CCDC178: variants seen among roughly 807,000 people sequenced by gnomAD.
CCDC178 encodes the protein coiled-coil domain containing 178, also known as coiled-coil domain-containing protein 178.
Under a neutral mutation model 117.4 loss-of-function variants are expected in CCDC178, and 126 were observed. The observed-to-expected ratio is 1.07, with a 90% CI of 0.93 to 1.24. The LOEUF is 1.24. CCDC178 is among the 50% of genes most tolerant of loss of function. The probability of loss-of-function intolerance (pLI) is 0.00; values close to 1 mark genes in which losing one functional copy is unlikely to be tolerated. For synonymous variants in CCDC178, 283 were observed against 313.4 expected, an observed-to-expected ratio of 0.90 and a Z score of 1.02; for missense variants, 1,030 against 986.9, an observed-to-expected ratio of 1.04 and a Z score of -0.59.
intron 20 of CCDC178, among the ~76,000 whole-genome samples, chr18:33,153,789 A>C (rs2058364201): frequency 6.6e-6 from 1 of 151,978 alleles, no homozygotes; most frequent in African/African-American, 2.4e-5. Flanking sequence ...AGGATAGGCT[A>C]ATTTAAAATA....
intron 20 of CCDC178, among the ~76,000 whole-genome samples, chr18:33,097,499 T>C (rs2057560644): frequency 6.6e-6 from 1 of 152,154 alleles, no homozygotes; most frequent in South Asian, 2.1e-4. Context: ...TTGGAGTATT[T>C]GTTATACAAC....
chr18:33,316,726 C>T (rs1050758439), intron 11 of CCDC178, among the ~76,000 whole-genome samples: 5 of 152,148 alleles, frequency 3.3e-5, no homozygotes, highest in Non-Finnish European at 2.9e-5. Flanking sequence ...CACCAATCAG[C>T]ACCCTGTGTC....
At chr18:33,169,761 T>C (rs977041048) in intron 20 of CCDC178, among the ~76,000 whole-genome samples, 1 of 152,194 alleles carries the variant, frequency 6.6e-6, no homozygotes, top group African/African-American at 2.4e-5. Context: ...GTGCTTGTAG[T>C]ATAGGAACAT....
At chr18:33,002,563 A>G (rs1243370715) in intron 21 of CCDC178, among the ~76,000 whole-genome samples, 2 of 152,106 alleles carry the variant, frequency 1.3e-5, no homozygotes, top group African/African-American at 4.8e-5. Flanking sequence ...TTATAGCAAT[A>G]AGAACCTACA....
At chr18:33,427,038 AT>A (rs1029890762) in intron 2 of CCDC178, among the ~76,000 whole-genome samples, 2 of 152,142 alleles carry the variant, frequency 1.3e-5, no homozygotes, top group African/African-American at 4.8e-5. Context: ...AAAGATTCAT[AT>A]TTTATAATAA....
intron 21 of CCDC178, among the ~76,000 whole-genome samples, chr18:33,055,491 C>G (rs553905655): frequency 7.9e-4 from 120 of 152,128 alleles, no homozygotes; most frequent in African/African-American, 2.8e-3. Context: ...TGCACGCCAC[C>G]ATGCCCCGCT....
chr18:33,134,053 G>A (rs1400684280), intron 20 of CCDC178, among the ~76,000 whole-genome samples: 1 of 151,492 alleles, frequency 6.6e-6, no homozygotes, highest in East Asian at 1.9e-4. Flanking sequence ...AATTACAAAA[G>A]AAAAGAAAAA....
chr18:33,368,076 T>C (rs1185787243), intron 6 of CCDC178, among the ~76,000 whole-genome samples: 1 of 151,980 alleles, frequency 6.6e-6, no homozygotes, highest in Non-Finnish European at 1.5e-5. Context: ...TTGAATGGAC[T>C]TTGGAGTCAG....
At chr18:33,401,948 A>G (rs1599275173) in intron 3 of CCDC178, among the ~76,000 whole-genome samples, 2 of 152,302 alleles carry the variant, frequency 1.3e-5, no homozygotes, top group African/African-American at 4.8e-5. Context: ...AATTGTGGTC[A>G]TTTTCTATTT....
At chr18:33,063,071 G>T (rs2056952734) in intron 21 of CCDC178, among the ~76,000 whole-genome samples, 1 of 152,142 alleles carries the variant, frequency 6.6e-6, no homozygotes. Flanking sequence ...AGGCACATCT[G>T]CATGCACTTT....
chr18:33,397,575 A>T (rs550276811), intron 3 of CCDC178, among the ~76,000 whole-genome samples: 13 of 152,298 alleles, frequency 8.5e-5, no homozygotes, highest in African/African-American at 3.1e-4. Context: ...ATATGGATTT[A>T]AAAAATCCAA....
chr18:33,331,848 C>A (rs2062673861), intron 10 of CCDC178, among the ~76,000 whole-genome samples: 1 of 152,108 alleles, frequency 6.6e-6, no homozygotes, highest in Admixed American at 6.5e-5. Context: ...ACCCACAATC[C>A]AGTAACTACC....
chr18:32,974,678 A>G lies in CCDC178; in HGVS notation c.2392T>C (p.Cys798Arg). The change falls in exon 22 of 23, where the codon TGT (cysteine) becomes CGT (arginine). Residue 798 changes from cysteine (C) to arginine (R), a missense_variant. By Grantham distance (180) the Cys-to-Arg change is radical. Coordinates refer to ENST00000383096, the MANE Select transcript of CCDC178 (RefSeq NM_001105528.4). ...DTSIRDKKQLCQLQRRMHTLW... is the reference protein window; with the variant it reads ...DTSIRDKKQLRQLQRRMHTLW... Reference sequence around the variant, plus strand: ...GTGTGCATCCTTCTCTGCAGCTGACAGAGCTAAAGGGAAGAGGGAGGGGAG... The same window carrying G: ...GTGTGCATCCTTCTCTGCAGCTGACGGAGCTAAAGGGAAGAGGGAGGGGAG... 3 of 1,612,814 alleles carry G rather than the reference A, an allele frequency of 1.9e-6. No homozygotes were observed. The highest frequency in any genetic ancestry group is 2.2e-5 in the East Asian group (1 of 44,858).
At chr18:33,282,820 G>A (rs562430649) in intron 12 of CCDC178, among the ~76,000 whole-genome samples, 4 of 152,212 alleles carry the variant, frequency 2.6e-5, no homozygotes, top group East Asian at 3.9e-4. Flanking sequence ...CAGCAAGCCC[G>A]GCTCCCCGCT....
intron 15 of CCDC178, among the ~76,000 whole-genome samples, chr18:33,236,637 C>T (rs1408382977): frequency 1.3e-5 from 2 of 152,054 alleles, no homozygotes; most frequent in Non-Finnish European, 2.9e-5. Flanking sequence ...CAAGATGGCT[C>T]ACTAGAAGTG....
chr18:33,436,924 G>A (rs1031615849), intron 2 of CCDC178, among the ~76,000 whole-genome samples: 2 of 152,194 alleles, frequency 1.3e-5, no homozygotes, highest in African/African-American at 2.4e-5. Context: ...AGAGGTGGGA[G>A]AACAAAGAAA....
At chr18:33,306,461 T>C (rs1298984039) in intron 11 of CCDC178, among the ~76,000 whole-genome samples, 4 of 120,838 alleles carry the variant, frequency 3.3e-5, no homozygotes, top group Non-Finnish European at 7.2e-5. Flanking sequence ...CATATGGTTA[T>C]ATATATATAT....
At chr18:33,091,926 A>G (rs951150424) in intron 21 of CCDC178, among the ~76,000 whole-genome samples, 2 of 152,210 alleles carry the variant, frequency 1.3e-5, no homozygotes, top group African/African-American at 4.8e-5. Context: ...TAGAACTTGC[A>G]TTAAAATCCC....
intron 12 of CCDC178, 103 bp downstream of exon 12, chr18:33,293,056 T>TA (rs2062056130): frequency 2.8e-6 from 2 of 726,908 alleles, no homozygotes; most frequent in Admixed American, 3.2e-5. Context: ...TGGCTAAATA[T>TA]AAAAAAATTG....
Sources: allele counts gnomAD v4.1 joint callset (sites outside exome capture counted in the v4.1 genomes callset), GRCh38; gene constraint gnomAD v4.1.1; transcripts MANE v1.5; gene names NCBI Gene and HGNC (gene_info 2026-07-23, HGNC 2026-07-21).